The following CYP2S1 variants were observed in gnomAD, a reference collection of about 807,000 sequenced individuals.
CYP2S1 encodes cytochrome P450 family 2 subfamily S member 1.
Under a neutral mutation model 43.5 loss-of-function variants are expected in CYP2S1, and 32 were observed. That is an observed-to-expected ratio of 0.74 (90% CI 0.56 to 0.99). CYP2S1 has a LOEUF of 0.99. CYP2S1 is among the 50% of genes least tolerant of loss of function. The pLI is 0.00. For missense variants in CYP2S1, 575 were observed against 673.9 expected, an observed-to-expected ratio of 0.85 and a Z score of 1.62; for synonymous variants, 283 against 302.9, an observed-to-expected ratio of 0.93 and a Z score of 0.68.
intron 6 of CYP2S1, 81 bp downstream of exon 6, chr19:41,201,453 C>A (rs2033488604): frequency 2.0e-6 from 3 of 1,533,432 alleles, no homozygotes; most frequent in Non-Finnish European, 2.6e-6. Flanking sequence ...CGCCTATAAT[C>A]CCAGCACTTT....
Position 41,193,369 on chromosome 19 carries a change from G to A in CYP2S1, c.105G>A (p.Gly35=). ...GGGCCCGAGGCCACCTGCCCCCCGG[G>A]CCCACGCCGCTACCACTGCTGGGAA... ...GTRARGHLPP[G]PTPLPLLGNL... The change falls in exon 1 of 9, where the codon GGG becomes GGA. Residue 35 remains glycine (G), a synonymous_variant. Transcript: ENST00000310054. 6.5e-7 allele frequency: 1 copy of A among 1,530,404 alleles called. No homozygotes were observed. The highest frequency in any genetic ancestry group is 8.8e-7 in the Non-Finnish European group (1 of 1,137,888). The allele number at this position is 1,530,404 out of a possible 1,614,324, so 94.8% of individuals were successfully genotyped here. A position where few individuals can be genotyped will look rare whatever the true frequency, so the allele number is the denominator to read the frequency against.
rs753919249 is a variant in CYP2S1, at chr19:41,198,537, G to A, written c.569G>A (p.Arg190His). 2.8e-5 allele frequency: 46 copies of A among 1,614,098 alleles called. No homozygotes were observed. Among genetic ancestry groups the A allele is most frequent in the Middle Eastern group, 1.6e-4 (1 of 6,062 alleles). ...NVVCSLLFGL[R>H]FSYEDKEFQA... ...GTCTGCTCCCTCCTCTTTGGCCTCC[G>A]CTTCTCCTATGAGGATAAGGAGTTC... Residue 190 changes from arginine to histidine, a missense_variant, in exon 4 of 9, where the codon CGC becomes CAC. Around this residue, in one of 2 missense-constraint regions of CYP2S1, gnomAD observed 353 missense variants for 367.6 expected, o/e 0.96. Transcript: ENST00000310054. This position sits in a 1 kb window ranked among gnomAD's most constrained non-coding sequence, Gnocchi z 4.9.
At chr19:41,203,310 G>A in intron 6 of CYP2S1, 140 bp from the exon 7 acceptor site, 2 of 750,204 alleles carry the variant, frequency 2.7e-6, no homozygotes, top group Non-Finnish European at 3.9e-6. Context: ...GTGGTCTTTG[G>A]GCTCAGTGAG....
chr19:41,205,838 T>C (rs749084367), intron 7 of CYP2S1, 120 bp from the exon 8 acceptor site: 1 of 1,311,318 alleles, frequency 7.6e-7, no homozygotes, highest in Non-Finnish European at 1.0e-6. Context: ...TCCACAAATG[T>C]TGATGCCATT....
chr19:41,201,402 G>A lies in CYP2S1; in HGVS notation c.976+30G>A, dbSNP rs183967119. ...GAGCCTTTTCCACTTGCCAGGCCTT[G>A]GGAACAGAAGTCAGGGTTCTAGGCT... On this transcript the variant is annotated intron_variant, in intron 6 of 8. Coordinates refer to ENST00000310054, the MANE Select transcript of CYP2S1 (RefSeq NM_030622.8). 282 of 1,609,414 alleles carry A rather than the reference G, an allele frequency of 1.8e-4. 2 individuals carry two copies. The African/African-American group carries it at 3.4e-3, about 19-fold the overall frequency.
intron 7 of CYP2S1, among the ~76,000 whole-genome samples, chr19:41,205,348 T>TTCTTTC (rs1555727551): frequency 2.0e-5 from 2 of 101,090 alleles, no homozygotes; most frequent in African/African-American, 1.5e-4. Flanking sequence ...CTTTTTTTCT[T>TTCTTTC]TCTTTCTTTC....
In CYP2S1 at chr19:41,193,342, C is replaced by T. The variant is rs2122148280; in HGVS notation, c.78C>T (p.Thr26=). ...TGCTGACGCTGGCGCTGTCCGGGAC[C>T]AGGGCCCGAGGCCACCTGCCCCCCG... ...LLLLTLALSG[T]RARGHLPPGP... Residue 26 remains threonine (T), a synonymous_variant, in exon 1 of 9, where the codon ACC becomes ACT. Transcript: ENST00000310054. 1 of 1,537,522 alleles carries T rather than the reference C, an allele frequency of 6.5e-7. No individual in the cohort carries two copies. Among genetic ancestry groups the T allele is most frequent in the Non-Finnish European group, 8.8e-7 (1 of 1,142,118 alleles).
chr19:41,194,630 G>A lies in CYP2S1; in HGVS notation c.264G>A (p.Arg88=). ...VVVLVGQEAV[R]EALGGQAEEF... ...TCCTGGTTGGGCAGGAGGCTGTGCG[G>A]GAGGCCCTGGGAGGTCAGGCTGAGG... is the stretch of plus-strand genomic sequence containing the variant. The change falls in exon 2 of 9, where the codon CGG becomes CGA. Residue 88 remains arginine (R), a synonymous_variant. Transcript: ENST00000310054. 1 of 1,612,384 alleles carries A rather than the reference G, an allele frequency of 6.2e-7. No homozygotes were observed. The highest frequency in any genetic ancestry group is 8.5e-7 in the Non-Finnish European group (1 of 1,179,304).
In CYP2S1 at chr19:41,206,677, C is replaced by A; in HGVS notation, c.*189C>A. 1.2e-6 allele frequency: 1 copy of A among 801,122 alleles called. No homozygotes were observed. Among genetic ancestry groups the A allele is most frequent in the Non-Finnish European group, 2.2e-6 (1 of 451,516 alleles). The allele number at this position is 801,122 out of a possible 1,614,324, so 49.6% of individuals were successfully genotyped here. ...CTCATGCTGCTAAGATGCACAACCG[C>A]ACACCCATACACAACTACAAGGGCC... On this transcript the variant is annotated 3_prime_UTR_variant, in exon 9 of 9. Coordinates refer to ENST00000310054, the MANE Select transcript of CYP2S1 (RefSeq NM_030622.8).
chr19:41,204,592 C>CTTTTTTTTT (rs553640679), intron 7 of CYP2S1, among the ~76,000 whole-genome samples: 2 of 109,044 alleles, frequency 1.8e-5, no homozygotes, highest in Non-Finnish European at 3.5e-5. Context: ...TCTTCTTCTT[C>CTTTTTTTTT]TTTTTTTTTT....
rs2033416875 is a variant in CYP2S1, at chr19:41,196,652, A to T, written c.344-1127A>T. On this transcript the variant is annotated intron_variant, in intron 2 of 8. Transcript: ENST00000310054. ...AGAGATGCTTAGGCCACTTTGGAAC[A>T]CAGTAGGGCAAGGACAGGAGACACC... is the stretch of plus-strand genomic sequence containing the variant. Among the ~76,000 whole-genome samples, 6 of 152,114 alleles carry T rather than the reference A, an allele frequency of 3.9e-5. 1 individual carries two copies. The South Asian group carries it at 1.2e-3, about 31-fold the overall frequency.
At chr19:41,203,407 G>C (rs2122165435) in intron 6 of CYP2S1, 43 bp from the exon 7 acceptor site, 1 of 1,523,628 alleles carries the variant, frequency 6.6e-7, no homozygotes, top group East Asian at 2.4e-5. Context: ...GAGGATCCCT[G>C]GGCCCTACCC....
intron 1 of CYP2S1, chr19:41,193,703 G>T (rs752229899): frequency 1.4e-5 from 8 of 569,180 alleles, no homozygotes; most frequent in Admixed American, 4.4e-5. Context: ...ACAGAATCCT[G>T]GGAAGGTGAT....
intron 7 of CYP2S1, among the ~76,000 whole-genome samples, chr19:41,204,991 T>C (rs2033544633): frequency 6.6e-6 from 1 of 152,080 alleles, no homozygotes; most frequent in Non-Finnish European, 1.5e-5. Flanking sequence ...AATAATAGTA[T>C]CAACTTGAAG....
At position 41,206,788 on chromosome 19, in the gene CYP2S1, T is replaced by G; in HGVS notation, c.*300T>G. ...GCACATAGCCAGGTAACCCACCAAC[T>G]CCCCTGGATCTGCAGCCCACACGTG... On this transcript the variant is annotated 3_prime_UTR_variant, in exon 9 of 9. Transcript: ENST00000310054. The G allele has an allele frequency of 1.7e-6, 1 of 581,834 alleles. No homozygotes were observed. 36.0% of individuals were successfully genotyped at this position (581,834 alleles called of 1,614,324 possible). A position where few individuals can be genotyped will look rare whatever the true frequency, so the allele number is the denominator to read the frequency against.
intron 7 of CYP2S1, among the ~76,000 whole-genome samples, chr19:41,204,592 C>CTTTTTTT (rs553640679): frequency 2.8e-5 from 3 of 109,046 alleles, no homozygotes; most frequent in Non-Finnish European, 5.3e-5. Flanking sequence ...TCTTCTTCTT[C>CTTTTTTT]TTTTTTTTTT....
At chr19:41,201,034 T>C (rs950363938) in intron 5 of CYP2S1, among the ~76,000 whole-genome samples, 197 bp from the exon 6 acceptor site, 4 of 151,840 alleles carry the variant, frequency 2.6e-5, no homozygotes, top group African/African-American at 7.3e-5. Flanking sequence ...GCCGAGATCG[T>C]GCCACTGCAC....
rs1056883070 is a variant in CYP2S1 at position 41,203,638 on chromosome 19, G to A, written c.1164+1G>A. 9 of 1,533,926 alleles carry A rather than the reference G, an allele frequency of 5.9e-6. No individual in the cohort carries two copies. Among genetic ancestry groups the A allele is most frequent in the African/African-American group, 1.4e-5 (1 of 72,492 alleles). On this transcript the variant is annotated splice_donor_variant, in intron 7 of 8. Coordinates refer to ENST00000310054, the MANE Select transcript of CYP2S1 (RefSeq NM_030622.8). LOFTEE classifies it high-confidence loss of function. ...CTTCCGAGGGTACACCCTGCCCCAG[G>A]TGGGTATGCGTATGGCTGCCACCCA...
chr19:41,199,516 G>C (rs2033460741), intron 5 of CYP2S1, among the ~76,000 whole-genome samples: 1 of 151,742 alleles, frequency 6.6e-6, no homozygotes, highest in Non-Finnish European at 1.5e-5. Flanking sequence ...GAGTAGCTGG[G>C]ACAACAGGTG....
Sources: gnomAD v4.1 joint callset for allele counts (sites outside exome capture counted in the v4.1 genomes callset) on GRCh38, gnomAD v4.1.1 for gene constraint, gnomAD v4.1.1 regional missense constraint, Gnocchi (gnomAD v3.1) non-coding constraint, MANE v1.5 for transcripts, NCBI Gene and HGNC (gene_info 2026-07-23, HGNC 2026-07-21) for gene names.